Variants in G3BP2 observed in about 807,000 individuals in gnomAD.
G3BP2 encodes the protein ras GTPase-activating protein-binding protein 2.
Under a neutral mutation model 56.7 loss-of-function variants are expected in G3BP2, and 11 were observed. The ratio of observed to expected loss-of-function variants is 0.19; its 90% CI spans 0.12 to 0.32. G3BP2 has a LOEUF of 0.32. Among genes scored for constraint, G3BP2 ranks in the 10% least tolerant of loss-of-function variants. The pLI, the probability that G3BP2 is intolerant of heterozygous loss-of-function variation, is 1.00. For missense variants in G3BP2, 340 were observed against 610.9 expected (o/e 0.56, Z 4.67); for synonymous variants, 165 against 191.6 (o/e 0.86, Z 1.15).
chr4:75,704,618 C>T (rs1398402412), intron 3 of G3BP2, among the ~76,000 whole-genome samples: 1 of 151,304 alleles, frequency 6.6e-6, no homozygotes, highest in African/African-American at 2.4e-5. Flanking sequence ...TGTGATGGCC[C>T]AATATATTTT....
At position 75,645,608 on chromosome 4, in the gene G3BP2, C is replaced by T. The variant is rs1199084313; in HGVS notation, c.1271G>A (p.Arg424His). 1 of 1,613,866 alleles carries T rather than the reference C, an allele frequency of 6.2e-7. No individual in the cohort carries two copies. The highest frequency in any genetic ancestry group is 8.5e-7 in the Non-Finnish European group (1 of 1,179,998). ...ERETRGGGDD[R>H]RDIRRNDRGP... ...TCGATCATTGCGCCTAATATCCCTGCGATCATCACCACCACCTCTGGTTTC... is the reference window on the plus strand; with the variant it reads ...TCGATCATTGCGCCTAATATCCCTGTGATCATCACCACCACCTCTGGTTTC... Residue 424 changes from arginine (R) to histidine (H), a missense_variant, in exon 12 of 12, where the codon CGC becomes CAC. Physicochemically the swap from Arg to His is conservative, Grantham distance 29 (BLOSUM62 0). Around this residue, in one of 4 missense-constraint regions of G3BP2, gnomAD observed 94 missense variants for 173.8 expected, o/e 0.54. Transcript: ENST00000359707.
At chr4:75,676,907 C>T (rs1453263125), upstream of G3BP2, among the ~76,000 whole-genome samples, 1 of 152,230 alleles carries the variant, frequency 6.6e-6, no homozygotes, top group South Asian at 2.1e-4. Context: ...TCTTTTCTTA[C>T]CACTGGTTTT....
intron 3 of G3BP2, among the ~76,000 whole-genome samples, chr4:75,693,587 A>G (rs919352373): frequency 3.2e-4 from 49 of 151,934 alleles, no homozygotes; most frequent in Middle Eastern, 3.4e-3. Context: ...TTAGGAGTTC[A>G]AGACCAGCCT....
intron 3 of G3BP2, among the ~76,000 whole-genome samples, chr4:75,710,399 G>A (rs1310207240): frequency 1.3e-5 from 2 of 152,186 alleles, no homozygotes; most frequent in Non-Finnish European, 2.9e-5. Flanking sequence ...GTGGGCCTCT[G>A]TAATCTATTG....
intron 3 of G3BP2, among the ~76,000 whole-genome samples, chr4:75,688,306 G>T (rs990415770): frequency 6.6e-6 from 1 of 152,144 alleles, no homozygotes; most frequent in Non-Finnish European, 1.5e-5. Flanking sequence ...GCCTCCCAAA[G>T]TGCTGGGATT....
chr4:75,668,535 A>G lies in G3BP2; in HGVS notation c.-25+4673T>C, dbSNP rs1349793237. On this transcript the variant is annotated intron_variant, in intron 1 of 11. Transcript: ENST00000359707. ...ACACAAGAATAACGCGAGTTGTCCA[A>G]ATATCAAATAGAGCTACTTAACAAG... Among the ~76,000 whole-genome samples the G allele has an allele frequency of 2.0e-5, 3 of 152,146 alleles. No homozygotes were observed. The South Asian group carries it at 6.2e-4, about 32-fold the overall frequency.
At chr4:75,704,205 G>A (rs1394462372) in intron 3 of G3BP2, among the ~76,000 whole-genome samples, 1 of 150,926 alleles carries the variant, frequency 6.6e-6, no homozygotes, top group Non-Finnish European at 1.5e-5. Context: ...TTTTAGTAGA[G>A]ATGGGGTTTC....
intron 8 of G3BP2, among the ~76,000 whole-genome samples, chr4:75,652,080 C>T (rs1202149368): frequency 6.6e-6 from 1 of 152,018 alleles, no homozygotes; most frequent in African/African-American, 2.4e-5. Flanking sequence ...GACATTAGAA[C>T]GTTCTTTTAA....
chr4:75,653,796 C>T (rs1731892067), intron 8 of G3BP2, among the ~76,000 whole-genome samples, 187 bp downstream of exon 8: 1 of 151,832 alleles, frequency 6.6e-6, no homozygotes, highest in African/African-American at 2.4e-5. Flanking sequence ...ACACCCAAAC[C>T]CCAAATACCA....
At chr4:75,651,004 T>C (rs891881482) in intron 8 of G3BP2, among the ~76,000 whole-genome samples, 8 of 152,220 alleles carry the variant, frequency 5.3e-5, no homozygotes, top group African/African-American at 1.9e-4. Context: ...TAATGTTCTA[T>C]GTCTGACAAA....
chr4:75,704,614 G>A (rs890797699), intron 3 of G3BP2, among the ~76,000 whole-genome samples: 3 of 150,448 alleles, frequency 2.0e-5, no homozygotes, highest in African/African-American at 2.4e-5. Context: ...CCACTGTGAT[G>A]GCCCAATATA....
chr4:75,678,470 T>C (rs892957954), intron 3 of G3BP2, among the ~76,000 whole-genome samples: 1 of 152,214 alleles, frequency 6.6e-6, no homozygotes, highest in Non-Finnish European at 1.5e-5. Flanking sequence ...TATTTTGTTA[T>C]AGCAGCCCAA....
chr4:75,664,800 G>C (rs1450775554), intron 1 of G3BP2, among the ~76,000 whole-genome samples: 1 of 152,008 alleles, frequency 6.6e-6, no homozygotes, highest in Non-Finnish European at 1.5e-5. Flanking sequence ...AGTGAGCCGC[G>C]ATCACACCAC....
intron 3 of G3BP2, among the ~76,000 whole-genome samples, chr4:75,687,093 C>T (rs938147845): frequency 1.3e-5 from 2 of 152,028 alleles, no homozygotes; most frequent in Non-Finnish European, 2.9e-5. Flanking sequence ...TACCTACATA[C>T]ATAAAAGCAG....
chr4:75,694,725 C>A, intron 3 of G3BP2: 1 of 980,830 alleles, frequency 1.0e-6, no homozygotes, highest in South Asian at 4.6e-5. Flanking sequence ...GCAACAAGAG[C>A]GAGACTCTGT....
chr4:75,713,373 A>G (rs896238013), intron 3 of G3BP2, among the ~76,000 whole-genome samples: 26 of 152,230 alleles, frequency 1.7e-4, no homozygotes, highest in African/African-American at 6.3e-4. Context: ...GAGAAACAGG[A>G]TATTTATACA....
At chr4:75,658,199 A>G (rs936148849) in intron 3 of G3BP2, among the ~76,000 whole-genome samples, 6 of 152,306 alleles carry the variant, frequency 3.9e-5, no homozygotes, top group African/African-American at 1.2e-4. Context: ...TCAGATTTGT[A>G]TAAACTTAAT....
intron 1 of G3BP2, among the ~76,000 whole-genome samples, chr4:75,663,267 TGTCTTCTGAGACAGG>T: frequency 6.6e-6 from 1 of 152,166 alleles, no homozygotes; most frequent in Non-Finnish European, 1.5e-5. Flanking sequence ...TTCCTATTTT[TGTCTTCTGAGACAGG>T]GTCTCGCTCT....
At chr4:75,705,338 C>T (rs1719505990) in intron 3 of G3BP2, among the ~76,000 whole-genome samples, 1 of 152,252 alleles carries the variant, frequency 6.6e-6, no homozygotes, top group South Asian at 2.1e-4. Context: ...CACAGAGAAA[C>T]AAGAGGTGGC....
Sources: allele counts gnomAD v4.1 joint callset (sites outside exome capture counted in the v4.1 genomes callset), GRCh38; gene constraint gnomAD v4.1.1; regional missense constraint gnomAD v4.1.1; transcripts MANE v1.5; gene names NCBI Gene and HGNC (gene_info 2026-07-23, HGNC 2026-07-21).